Variants in PRRX2 observed in about 807,000 individuals in gnomAD.
PRRX2 encodes the protein paired mesoderm homeobox protein 2.
In PRRX2, 11 loss-of-function variants were observed where a neutral mutation model predicts 18.0. The observed-to-expected ratio is 0.61, with a 90% CI of 0.39 to 1.01. The LOEUF is 1.01. Ranked by LOEUF, PRRX2 falls within the 50% of genes least tolerant of loss-of-function variation. The pLI, the probability that PRRX2 is intolerant of heterozygous loss-of-function variation, is 0.01. For synonymous variants in PRRX2, 177 were observed against 154.8 expected (o/e 1.14, Z -1.06); for missense variants, 387 against 351.0 (o/e 1.10, Z -0.82).
intron 1 of PRRX2, among the ~76,000 whole-genome samples, chr9:129,700,778 C>T (rs549557524): frequency 4.6e-5 from 7 of 152,226 alleles, no homozygotes; most frequent in South Asian, 2.1e-4. Flanking sequence ...CCACCATGCC[C>T]GGCTAATGTT....
intron 1 of PRRX2, among the ~76,000 whole-genome samples, chr9:129,712,117 C>G (rs557834053): frequency 2.6e-4 from 40 of 152,186 alleles, no homozygotes; most frequent in African/African-American, 7.2e-4. Context: ...TGAGAAGGCC[C>G]AGTGTTAATT....
chr9:129,722,381 T>C lies in PRRX2; in HGVS notation c.*29T>C. On this transcript the variant is annotated 3_prime_UTR_variant, in exon 4 of 4. Coordinates refer to ENST00000372469, the MANE Select transcript of PRRX2 (RefSeq NM_016307.4). ...CCAGTCCCACCAGGACCCAGACGCC[T>C]CCCTGGGTGGACAGCAATAGAAAAG... The C allele has an allele frequency of 6.2e-7, 1 of 1,610,420 alleles. No individual in the cohort carries two copies.
Position 129,675,091 on chromosome 9 carries a change from G to GC in PRRX2, c.259+8967dup, listed in dbSNP as rs762145463. On this transcript the variant is annotated intron_variant, in intron 1 of 3. Coordinates refer to ENST00000372469, the MANE Select transcript of PRRX2 (RefSeq NM_016307.4). This position sits in a 1 kb window ranked among gnomAD's most constrained non-coding sequence, Gnocchi z 4.4. ...GCGGTCCTCTCGAGGGGACAGAGAG[G>GC]CCGGGCAGAGCTGCCGCAGGATGCA... 4.1e-4 allele frequency among the ~76,000 whole-genome samples: 62 copies of GC among 152,322 alleles called. No homozygotes were observed. Among genetic ancestry groups the GC allele is most frequent in the Non-Finnish European group, 4.9e-4 (33 of 68,028 alleles).
intron 1 of PRRX2, among the ~76,000 whole-genome samples, chr9:129,667,491 T>C (rs987883272): frequency 6.7e-6 from 1 of 149,956 alleles, no homozygotes; most frequent in Non-Finnish European, 1.5e-5. Context: ...ACTCCAGGGG[T>C]TGGGAAGAGA....
In PRRX2 at chr9:129,665,881, C is replaced by T; in HGVS notation, c.14C>T (p.Ala5Val). Residue 5 changes from alanine to valine, a missense_variant, in exon 1 of 4, where the codon GCC becomes GTC. Physicochemically the swap from Ala to Val is moderately conservative, Grantham distance 64. Transcript: ENST00000372469. This position sits in a 1 kb window ranked among gnomAD's most constrained non-coding sequence, Gnocchi z 5.3. Reference protein sequence around the residue: MDSAAAAFALDKPAL... With the variant: MDSAVAAFALDKPAL... ...CCGCTCGCGGGCATGGACAGCGCGG[C>T]CGCCGCCTTCGCCCTGGACAAGCCG... 9.3e-7 allele frequency: 1 copy of T among 1,071,202 alleles called. No individual in the cohort carries two copies. Among genetic ancestry groups the T allele is most frequent in the Non-Finnish European group, 1.1e-6 (1 of 890,726 alleles). The allele number at this position is 1,071,202 out of a possible 1,614,324, so 66.4% of individuals were successfully genotyped here.
intron 1 of PRRX2, among the ~76,000 whole-genome samples, chr9:129,713,636 CT>C (rs1014664199): frequency 2.0e-3 from 290 of 143,874 alleles, no homozygotes; most frequent in Admixed American, 1.9e-3. Context: ...TTTTTTCTTT[CT>C]TTTTTTTTTT....
intron 1 of PRRX2, 86 bp from the exon 2 acceptor site, chr9:129,719,145 C>T (rs1564156473): frequency 1.5e-6 from 2 of 1,326,902 alleles, no homozygotes; most frequent in East Asian, 5.3e-5. Context: ...CTAAAGCACT[C>T]AGAGCAAACT....
At chr9:129,697,344 C>T (rs1414175403) in intron 1 of PRRX2, among the ~76,000 whole-genome samples, 1 of 152,040 alleles carries the variant, frequency 6.6e-6, no homozygotes, top group African/African-American at 2.4e-5. Context: ...AGGCCGTGCC[C>T]CCTCCCGCCC....
At position 129,707,852 on chromosome 9, in the gene PRRX2, CAT is replaced by C. The variant is rs748131060; in HGVS notation, c.260-11378_260-11377del. ...TTGTGTACAGGTTTTTGTGTGGACA[CAT>C]GTTTCATTTCTCCTGCGTCTGTACC... is the stretch of plus-strand genomic sequence containing the variant. On this transcript the variant is annotated intron_variant, in intron 1 of 3. Transcript: ENST00000372469. 2.4e-4 allele frequency among the ~76,000 whole-genome samples: 36 copies of C among 151,998 alleles called. 1 individual carries two copies. Among genetic ancestry groups the C allele is most frequent in the Middle Eastern group, 3.4e-3 (1 of 290 alleles).
intron 1 of PRRX2, among the ~76,000 whole-genome samples, chr9:129,703,997 C>T (rs1222045662): frequency 6.6e-6 from 1 of 152,250 alleles, no homozygotes; most frequent in Non-Finnish European, 1.5e-5. Context: ...GGCAGAGGGG[C>T]AGGTTCTTCC....
intron 1 of PRRX2, among the ~76,000 whole-genome samples, chr9:129,696,983 G>C (rs1832432910): frequency 6.6e-6 from 1 of 152,218 alleles, no homozygotes; most frequent in Non-Finnish European, 1.5e-5. Flanking sequence ...TTGGGCGACT[G>C]ACCTCCCTCC....
At chr9:129,678,787 C>G (rs1327576593) in intron 1 of PRRX2, among the ~76,000 whole-genome samples, 3 of 152,172 alleles carry the variant, frequency 2.0e-5, no homozygotes, top group Non-Finnish European at 4.4e-5. Flanking sequence ...CACTCCGGCC[C>G]TCTCTGGGGG....
At position 129,666,085 on chromosome 9, in the gene PRRX2, C is replaced by T. The variant is rs1832016790; in HGVS notation, c.218C>T (p.Pro73Leu). 2.9e-6 allele frequency: 3 copies of T among 1,033,068 alleles called. No homozygotes were observed. The highest frequency in any genetic ancestry group is 1.8e-5 in the African/African-American group (1 of 57,130). 64.0% of individuals were successfully genotyped at this position (1,033,068 alleles called of 1,614,324 possible). A position where few individuals can be genotyped will look rare whatever the true frequency, so the allele number is the denominator to read the frequency against. The change falls in exon 1 of 4, where the codon CCG (proline) becomes CTG (leucine). Residue 73 changes from proline to leucine, a missense_variant. Coordinates refer to ENST00000372469, the MANE Select transcript of PRRX2 (RefSeq NM_016307.4). The stretch of plus-strand genomic sequence containing the variant: ...GCGCGGGAGGGCGCAGCACGGGAGC[C>T]GTCCGGGGGCAGCAGCGGCAGCGAG... The part of the protein sequence containing the change: ...AEAREGAARE[P>L]SGGSSGSEAA...
In PRRX2 at chr9:129,722,327, A is replaced by G; in HGVS notation, c.737A>G (p.His246Arg). 1.2e-6 allele frequency: 2 copies of G among 1,614,002 alleles called. No individual in the cohort carries two copies. Among genetic ancestry groups the G allele is most frequent in the Non-Finnish European group, 1.7e-6 (2 of 1,180,020 alleles). ...RLKAKEFSLH[H>R]SQVPTVN ...AAGGCCAAGGAGTTCAGCCTGCACCACAGCCAGGTGCCTACGGTGAACTGA... is the reference window on the plus strand; with the variant it reads ...AAGGCCAAGGAGTTCAGCCTGCACCGCAGCCAGGTGCCTACGGTGAACTGA... The change falls in exon 4 of 4, where the codon CAC (histidine) becomes CGC (arginine). Residue 246 changes from histidine (H) to arginine (R), a missense_variant. Transcript: ENST00000372469.
intron 1 of PRRX2, among the ~76,000 whole-genome samples, chr9:129,714,999 G>A (rs1017394827): frequency 2.0e-5 from 3 of 152,138 alleles, no homozygotes; most frequent in African/African-American, 7.2e-5. Context: ...CATCGAGGTG[G>A]TGGGGGTGGA....
intron 1 of PRRX2, among the ~76,000 whole-genome samples, chr9:129,668,633 C>T (rs550037881): frequency 9.9e-5 from 15 of 151,402 alleles, no homozygotes; most frequent in Admixed American, 1.3e-4. Context: ...CAAAATTAGC[C>T]GGGTGTGGTG....
chr9:129,713,780 G>A (rs988299035), intron 1 of PRRX2, among the ~76,000 whole-genome samples: 6 of 151,622 alleles, frequency 4.0e-5, no homozygotes, highest in African/African-American at 9.7e-5. Context: ...ACAGGTGCCC[G>A]CCACCATGCC....
At chr9:129,696,576 G>A (rs1310256681) in intron 1 of PRRX2, among the ~76,000 whole-genome samples, 1 of 151,932 alleles carries the variant, frequency 6.6e-6, no homozygotes, top group African/African-American at 2.4e-5. Context: ...ACCCTGTCTC[G>A]AAAAAAATAA....
intron 1 of PRRX2, among the ~76,000 whole-genome samples, chr9:129,691,633 C>CCAGTTGTG (rs898687991): frequency 1.3e-5 from 2 of 151,836 alleles, no homozygotes; most frequent in African/African-American, 4.8e-5. Flanking sequence ...CCACAGAGAG[C>CCAGTTGTG]CAGTTGTGAA....
Sources: allele counts gnomAD v4.1 joint callset (sites outside exome capture counted in the v4.1 genomes callset), GRCh38; gene constraint gnomAD v4.1.1; non-coding constraint Gnocchi (gnomAD v3.1); transcripts MANE v1.5; gene names NCBI Gene and HGNC (gene_info 2026-07-23, HGNC 2026-07-21).